The following FBXW11 variants were observed in gnomAD, a reference collection of about 807,000 sequenced individuals.
FBXW11 encodes F-box and WD repeat domain containing 11.
In FBXW11, 19 loss-of-function variants were observed where a neutral mutation model predicts 77.6. The observed-to-expected ratio is 0.24, with a 90% CI of 0.17 to 0.36. FBXW11 has a LOEUF of 0.36. Ranked by LOEUF, FBXW11 falls within the 10% of genes least tolerant of loss-of-function variation. FBXW11 has a pLI of 1.00. For missense variants in FBXW11, 334 were observed against 704.2 expected (o/e 0.47, Z 5.95); for synonymous variants, 235 against 249.4 (o/e 0.94, Z 0.54).
At chr5:171,877,015 T>C (rs143156807) in intron 8 of FBXW11, among the ~76,000 whole-genome samples, 2 of 152,286 alleles carry the variant, frequency 1.3e-5, no homozygotes, top group African/African-American at 4.8e-5. Flanking sequence ...TATTCCTTTA[T>C]AGCAATACAA....
intron 1 of FBXW11, among the ~76,000 whole-genome samples, chr5:171,990,475 G>A (rs1342020234): frequency 2.0e-5 from 3 of 152,126 alleles, no homozygotes; most frequent in Admixed American, 6.5e-5. Context: ...AAAGCACCTA[G>A]TCAGTATGCC....
At chr5:171,880,105 TTG>T (rs1254344258) in intron 7 of FBXW11, among the ~76,000 whole-genome samples, 2 of 152,232 alleles carry the variant, frequency 1.3e-5, no homozygotes, top group African/African-American at 2.4e-5. Context: ...GAGTTAATTT[TTG>T]TGAAGTATAT....
chr5:171,909,988 A>G (rs1760778236), intron 4 of FBXW11, among the ~76,000 whole-genome samples: 1 of 152,140 alleles, frequency 6.6e-6, no homozygotes, highest in East Asian at 1.9e-4. Context: ...TCTAAACTAC[A>G]TCAAAATAAA....
chr5:171,930,163 TCA>T (rs1322204839), intron 2 of FBXW11, among the ~76,000 whole-genome samples: 1 of 152,210 alleles, frequency 6.6e-6, no homozygotes, highest in African/African-American at 2.4e-5. Context: ...TCCTGCTAGT[TCA>T]GAGTTGATTA....
intron 7 of FBXW11, among the ~76,000 whole-genome samples, chr5:171,878,603 AGTGTGTGTGTGT>A (rs34099380): frequency 1.1e-4 from 14 of 128,474 alleles, no homozygotes; most frequent in African/African-American, 3.8e-4. Context: ...AGAGAGAGAG[AGTGTGTGTGTGT>A]GTGTGTGTGT....
chr5:171,869,929 C>T lies in FBXW11; in HGVS notation c.1452-122G>A, dbSNP rs1267337244. On this transcript the variant is annotated intron_variant, in intron 11 of 13. Transcript: ENST00000517395. This position sits in a 1 kb window ranked among gnomAD's most constrained non-coding sequence, Gnocchi z 4.1. ...TTTATAAAAGCTAATGGGGAACATG[C>T]TTATGTTTTTACAAATCATCTGAAC... The T allele has an allele frequency of 2.0e-6, 1 of 502,872 alleles. No homozygotes were observed. Among genetic ancestry groups the T allele is most frequent in the Admixed American group, 4.1e-5 (1 of 24,596 alleles). 31.2% of individuals were successfully genotyped at this position (502,872 alleles called of 1,614,324 possible). A position where few individuals can be genotyped will look rare whatever the true frequency, so the allele number is the denominator to read the frequency against.
intron 1 of FBXW11, among the ~76,000 whole-genome samples, chr5:171,974,396 C>T (rs1443903494): frequency 5.3e-5 from 8 of 150,382 alleles, no homozygotes; most frequent in African/African-American, 1.7e-4. Context: ...ATCACACCAT[C>T]GCACTCCACC....
At chr5:171,941,361 G>A (rs182056585) in intron 2 of FBXW11, among the ~76,000 whole-genome samples, 7 of 152,122 alleles carry the variant, frequency 4.6e-5, no homozygotes, top group South Asian at 2.1e-4. Context: ...TGTCAAGGTC[G>A]TGGAAGTCCC....
chr5:171,995,247 A>G (rs1232724470), intron 1 of FBXW11, among the ~76,000 whole-genome samples: 2 of 152,186 alleles, frequency 1.3e-5, no homozygotes, highest in South Asian at 2.1e-4. Context: ...TTTAAATAAT[A>G]AATACTGAGG....
chr5:171,971,259 T>C (rs1352906917), intron 1 of FBXW11, among the ~76,000 whole-genome samples: 1 of 152,280 alleles, frequency 6.6e-6, no homozygotes, highest in African/African-American at 2.4e-5. Flanking sequence ...CAGATGCTTT[T>C]TGCATGTGTA....
Position 171,869,709 on chromosome 5 carries a change from C to A in FBXW11, c.1530+20G>T. On this transcript the variant is annotated intron_variant, in intron 12 of 13. Coordinates refer to ENST00000517395, the MANE Select transcript of FBXW11 (RefSeq NM_001378974.1). The surrounding 1 kb of genome is among the most constrained non-coding windows in gnomAD (Gnocchi z 4.1). The stretch of plus-strand genomic sequence containing the variant: ...TCCTCCAGCACAGGGAACCAATTCC[C>A]GTCTCAAGAGATCACATACCACCAA... The A allele has an allele frequency of 6.3e-7, 1 of 1,591,518 alleles. No individual in the cohort carries two copies. The highest frequency in any genetic ancestry group is 1.1e-5 in the South Asian group (1 of 88,654).
At chr5:171,916,301 T>C (rs576038609) in intron 2 of FBXW11, among the ~76,000 whole-genome samples, 5 of 151,584 alleles carry the variant, frequency 3.3e-5, no homozygotes, top group Non-Finnish European at 5.9e-5. Flanking sequence ...TATCTTCTTA[T>C]GCTTTTCTAA....
At chr5:171,882,411 C>T (rs1290671259) in intron 7 of FBXW11, among the ~76,000 whole-genome samples, 2 of 152,176 alleles carry the variant, frequency 1.3e-5, no homozygotes, top group Non-Finnish European at 2.9e-5. Flanking sequence ...AGGTGATCCT[C>T]CCACCTCAGC....
chr5:171,990,586 C>A (rs914794952), intron 1 of FBXW11, among the ~76,000 whole-genome samples: 5 of 152,100 alleles, frequency 3.3e-5, no homozygotes, highest in Non-Finnish European at 5.9e-5. Flanking sequence ...TGCATCAGTC[C>A]AAACTGGTTA....
intron 1 of FBXW11, chr5:171,977,575 C>T: frequency 6.7e-6 from 3 of 450,504 alleles, no homozygotes; most frequent in South Asian, 4.7e-5. Context: ...TTTCATGCTG[C>T]CAATAAAGAC....
chr5:171,871,301 G>C (rs1396052239), intron 10 of FBXW11, among the ~76,000 whole-genome samples: 1 of 152,152 alleles, frequency 6.6e-6, no homozygotes, highest in East Asian at 1.9e-4. Context: ...GATGAGACAA[G>C]GTGGGAAAGG....
intron 2 of FBXW11, among the ~76,000 whole-genome samples, chr5:171,926,071 T>G (rs1229098554): frequency 6.6e-6 from 1 of 152,266 alleles, no homozygotes; most frequent in African/African-American, 2.4e-5. Context: ...AATTTTTATT[T>G]GATTTTTGCT....
At chr5:171,970,418 G>A (rs1437551139) in intron 1 of FBXW11, among the ~76,000 whole-genome samples, 1 of 152,158 alleles carries the variant, frequency 6.6e-6, no homozygotes, top group African/African-American at 2.4e-5. Flanking sequence ...GCAGAACTGT[G>A]AGCCAATTAA....
In FBXW11 at chr5:171,862,361, TC is replaced by T. The variant is rs1451640832; in HGVS notation, c.*1765del. On this transcript the variant is annotated 3_prime_UTR_variant, in exon 14 of 14. Transcript: ENST00000517395. ...GAAAAACTAAAAAAGCAAAGCCAAC[TC>T]AATAAACAAATCACATACACACACA... 2.6e-5 allele frequency: 4 copies of T among 152,718 alleles called. No homozygotes were observed. Among genetic ancestry groups the T allele is most frequent in the African/African-American group, 9.6e-5 (4 of 41,564 alleles). 9.5% of individuals were successfully genotyped at this position (152,718 alleles called of 1,614,324 possible).
Sources: gnomAD v4.1 joint callset for allele counts (sites outside exome capture counted in the v4.1 genomes callset) on GRCh38, gnomAD v4.1.1 for gene constraint, Gnocchi (gnomAD v3.1) non-coding constraint, MANE v1.5 for transcripts, NCBI Gene and HGNC (gene_info 2026-07-23, HGNC 2026-07-21) for gene names.